Variants in TMPRSS11F observed in about 807,000 individuals in gnomAD.
The protein encoded by TMPRSS11F is transmembrane protease serine 11F.
Under a neutral mutation model 60.2 loss-of-function variants are expected in TMPRSS11F, and 47 were observed. That is an observed-to-expected ratio of 0.78 (90% CI 0.62 to 1.00). TMPRSS11F has a LOEUF of 1.00. Among genes scored for constraint, TMPRSS11F ranks in the 50% least tolerant of loss-of-function variants. TMPRSS11F has a pLI of 0.00. For synonymous variants in TMPRSS11F, 166 were observed against 167.3 expected, an observed-to-expected ratio of 0.99 and a Z score of 0.06; for missense variants, 519 against 522.9, an observed-to-expected ratio of 0.99 and a Z score of 0.07.
intron 1 of TMPRSS11F, among the ~76,000 whole-genome samples, chr4:68,128,762 T>A (rs1193703469): frequency 6.6e-6 from 1 of 152,152 alleles, no homozygotes; most frequent in East Asian, 1.9e-4. Flanking sequence ...ATAAGAAATA[T>A]ACTTTGTTGT....
chr4:68,074,024 ATAAG>A lies in TMPRSS11F; in HGVS notation c.283-19_283-16del. 1 of 1,482,876 alleles carries A rather than the reference ATAAG, an allele frequency of 6.7e-7. No individual in the cohort carries two copies. Among genetic ancestry groups the A allele is most frequent in the Non-Finnish European group, 9.1e-7 (1 of 1,096,110 alleles). The allele number at this position is 1,482,876 out of a possible 1,614,324, so 91.9% of individuals were successfully genotyped here. A position where few individuals can be genotyped will look rare whatever the true frequency, so the allele number is the denominator to read the frequency against. ...ATCCTAGACATCTGATTTTTAAAAAATAAGTATTAGTCTTCAGAACTTAAAAGTA... is the reference window on the plus strand; with the variant it reads ...ATCCTAGACATCTGATTTTTAAAAAATATTAGTCTTCAGAACTTAAAAGTA... On this transcript the variant is annotated splice_polypyrimidine_tract_variant and intron_variant, in intron 3 of 9. Coordinates refer to ENST00000356291, the MANE Select transcript of TMPRSS11F (RefSeq NM_207407.2).
chr4:68,065,565 C>T (rs1438388872), intron 7 of TMPRSS11F, among the ~76,000 whole-genome samples: 1 of 152,106 alleles, frequency 6.6e-6, no homozygotes. Flanking sequence ...CCCATAGATG[C>T]TTTTCTCTCC....
intron 1 of TMPRSS11F, among the ~76,000 whole-genome samples, chr4:68,105,817 C>T (rs78112147): frequency 0.026 from 3,910 of 152,034 alleles, 84 homozygotes; most frequent in Non-Finnish European, 0.042. Context: ...AACAAAATGA[C>T]GTCTAGAAGC....
intron 1 of TMPRSS11F, among the ~76,000 whole-genome samples, chr4:68,116,054 T>C (rs546485016): frequency 2.5e-4 from 38 of 152,126 alleles, no homozygotes; most frequent in Non-Finnish European, 4.0e-4. Context: ...TGCTTTTAAA[T>C]ATCAACTCTA....
chr4:68,061,761 A>T, intron 8 of TMPRSS11F: 1 of 433,068 alleles, frequency 2.3e-6, no homozygotes, highest in Non-Finnish European at 4.6e-6. Flanking sequence ...TTGAAATACA[A>T]GAATACAGGA....
chr4:68,100,140 A>T (rs1045027839), intron 1 of TMPRSS11F, among the ~76,000 whole-genome samples: 4 of 152,064 alleles, frequency 2.6e-5, no homozygotes, highest in Admixed American at 2.0e-4. Flanking sequence ...GTAAAAACAT[A>T]AATAAAACAT....
intron 1 of TMPRSS11F, among the ~76,000 whole-genome samples, chr4:68,124,521 G>A (rs1007515420): frequency 2.6e-5 from 4 of 152,148 alleles, no homozygotes; most frequent in Non-Finnish European, 4.4e-5. Flanking sequence ...TAAAGAAAAA[G>A]ATGAAGCTGT....
Position 68,072,301 on chromosome 4 carries a change from CAAATAA to C in TMPRSS11F, c.514+16_514+21del. 3 of 1,416,670 alleles carry C rather than the reference CAAATAA, an allele frequency of 2.1e-6. No individual in the cohort carries two copies. Among genetic ancestry groups the C allele is most frequent in the African/African-American group, 3.0e-5 (2 of 65,916 alleles). The allele number at this position is 1,416,670 out of a possible 1,614,324, so 87.8% of individuals were successfully genotyped here. A position where few individuals can be genotyped will look rare whatever the true frequency, so the allele number is the denominator to read the frequency against. On this transcript the variant is annotated intron_variant, in intron 5 of 9. Coordinates refer to ENST00000356291, the MANE Select transcript of TMPRSS11F (RefSeq NM_207407.2). ...TAAGAGGAGGGAATGACAAAAGTGG[CAAATAA>C]AAATAAAAGACTTACGTGTGAGTCT...
At chr4:68,128,371 G>A (rs975026321) in intron 1 of TMPRSS11F, among the ~76,000 whole-genome samples, 1 of 152,040 alleles carries the variant, frequency 6.6e-6, no homozygotes, top group Non-Finnish European at 1.5e-5. Flanking sequence ...TATATTACAT[G>A]TACTGAAATA....
intron 1 of TMPRSS11F, among the ~76,000 whole-genome samples, chr4:68,102,240 T>G (rs1337705617): frequency 6.6e-6 from 1 of 152,164 alleles, no homozygotes; most frequent in Non-Finnish European, 1.5e-5. Flanking sequence ...CTTAGGCTGT[T>G]TCCGTATCTC....
intron 3 of TMPRSS11F, among the ~76,000 whole-genome samples, chr4:68,074,228 G>A (rs549846974): frequency 1.9e-4 from 29 of 152,176 alleles, no homozygotes; most frequent in African/African-American, 7.0e-4. Flanking sequence ...TAATCTTTGT[G>A]GAACCAAATA....
rs577761925 is a variant in TMPRSS11F, at chr4:68,079,853, T to C, written c.283-5844A>G. 3.9e-5 allele frequency among the ~76,000 whole-genome samples: 6 copies of C among 152,358 alleles called. No individual in the cohort carries two copies. In the East Asian group the frequency reaches 7.7e-4, roughly 20 times the overall value. ...AATAACATATTTGAAACAATACTTATGGCTCTAACTAATTAGCTTCATACC... is the reference window on the plus strand; with the variant it reads ...AATAACATATTTGAAACAATACTTACGGCTCTAACTAATTAGCTTCATACC... On this transcript the variant is annotated intron_variant, in intron 3 of 9. Coordinates refer to ENST00000356291, the MANE Select transcript of TMPRSS11F (RefSeq NM_207407.2).
chr4:68,080,155 C>T (rs1054777283), intron 3 of TMPRSS11F: 8 of 152,202 alleles, frequency 5.3e-5, no homozygotes, highest in Admixed American at 5.2e-4. Context: ...GATTTTTCTT[C>T]TTCTGAACTC....
At chr4:68,119,147 G>A (rs370720697) in intron 1 of TMPRSS11F, among the ~76,000 whole-genome samples, 6 of 152,204 alleles carry the variant, frequency 3.9e-5, no homozygotes, top group African/African-American at 9.6e-5. Context: ...CACAACATGT[G>A]TTAAGGCCAT....
At chr4:68,121,124 C>T (rs1483037577) in intron 1 of TMPRSS11F, among the ~76,000 whole-genome samples, 1 of 152,192 alleles carries the variant, frequency 6.6e-6, no homozygotes, top group Non-Finnish European at 1.5e-5. Flanking sequence ...TGGCTGGATC[C>T]ATACTTCTTA....
At chr4:68,118,729 A>T (rs1242447531) in intron 1 of TMPRSS11F, among the ~76,000 whole-genome samples, 1 of 152,192 alleles carries the variant, frequency 6.6e-6, no homozygotes, top group Non-Finnish European at 1.5e-5. Flanking sequence ...ATATGTAAAC[A>T]ATTAACATAA....
At chr4:68,120,545 C>A (rs1353244931) in intron 1 of TMPRSS11F, among the ~76,000 whole-genome samples, 1 of 151,472 alleles carries the variant, frequency 6.6e-6, no homozygotes, top group Non-Finnish European at 1.5e-5. Flanking sequence ...CCCGCCACTA[C>A]GCCCGGCTAA....
chr4:68,096,478 C>T (rs1393576920), intron 2 of TMPRSS11F, among the ~76,000 whole-genome samples: 1 of 152,098 alleles, frequency 6.6e-6, no homozygotes, highest in Non-Finnish European at 1.5e-5. Context: ...AAAATAAAAC[C>T]TGAGAACGTT....
At chr4:68,128,815 T>C (rs563232194) in intron 1 of TMPRSS11F, among the ~76,000 whole-genome samples, 1 of 152,230 alleles carries the variant, frequency 6.6e-6, no homozygotes, top group Non-Finnish European at 1.5e-5. Flanking sequence ...CATGCTATCA[T>C]GATGGGTTTA....
Sources: gnomAD v4.1 joint callset for allele counts (sites outside exome capture counted in the v4.1 genomes callset) on GRCh38, gnomAD v4.1.1 for gene constraint, MANE v1.5 for transcripts, NCBI Gene and HGNC (gene_info 2026-07-23, HGNC 2026-07-21) for gene names.